Variants in PTK2B observed in about 807,000 individuals in gnomAD.
The protein encoded by PTK2B is protein-tyrosine kinase 2-beta.
A neutral mutation model predicts 142.9 loss-of-function variants in PTK2B; 71 were observed. The observed-to-expected ratio is 0.50, with a 90% CI of 0.41 to 0.61. The LOEUF (loss-of-function observed/expected upper bound fraction) is 0.61. Among genes scored for constraint, PTK2B ranks in the 20% least tolerant of loss-of-function variants. The pLI is 0.00. For missense variants in PTK2B, 1,105 were observed against 1,320.4 expected (o/e 0.84, Z 2.53); for synonymous variants, 519 against 503.4 (o/e 1.03, Z -0.42).
intron 1 of PTK2B, among the ~76,000 whole-genome samples, chr8:27,357,264 A>G (rs932469485): frequency 6.6e-6 from 1 of 152,174 alleles, no homozygotes; most frequent in East Asian, 1.9e-4. Flanking sequence ...AATAAAAAGT[A>G]CAAAAAATAC....
intron 1 of PTK2B, among the ~76,000 whole-genome samples, chr8:27,357,314 A>G (rs1352003880): frequency 6.6e-6 from 1 of 152,370 alleles, no homozygotes; most frequent in Non-Finnish European, 1.5e-5. Context: ...TCTGTCTCCA[A>G]GAATTTTCTC....
intron 1 of PTK2B, among the ~76,000 whole-genome samples, chr8:27,344,492 A>G (rs1263168454): frequency 6.6e-6 from 1 of 152,240 alleles, no homozygotes; most frequent in Non-Finnish European, 1.5e-5. Flanking sequence ...GAGATCATAC[A>G]CATACGTATA....
chr8:27,332,493 C>T (rs1051457488), intron 1 of PTK2B, among the ~76,000 whole-genome samples: 2 of 152,198 alleles, frequency 1.3e-5, no homozygotes, highest in African/African-American at 4.8e-5. Context: ...CCTTACTTTG[C>T]TAATTTGTAA....
chr8:27,419,586 T>C (rs1249423913), intron 2 of PTK2B, among the ~76,000 whole-genome samples: 1 of 152,226 alleles, frequency 6.6e-6, no homozygotes, highest in Non-Finnish European at 1.5e-5. Context: ...GGATGTTCCG[T>C]AATTATTAAT....
At chr8:27,383,786 A>G (rs1386288756) in intron 1 of PTK2B, among the ~76,000 whole-genome samples, 3 of 151,654 alleles carry the variant, frequency 2.0e-5, no homozygotes, top group African/African-American at 7.3e-5. Context: ...CCTGGGCTCA[A>G]CTGATCCTCC....
chr8:27,377,504 C>T (rs1419722498), intron 1 of PTK2B, among the ~76,000 whole-genome samples: 2 of 152,168 alleles, frequency 1.3e-5, no homozygotes, highest in African/African-American at 4.8e-5. Context: ...AAGAACTTTG[C>T]ACACCTGGCA....
chr8:27,369,250 A>C (rs536953135), intron 1 of PTK2B, among the ~76,000 whole-genome samples: 1 of 152,114 alleles, frequency 6.6e-6, no homozygotes, highest in East Asian at 1.9e-4. Flanking sequence ...ACCCTCTTAT[A>C]ATCACAGGAT....
At chr8:27,375,099 G>T (rs1361052012) in intron 1 of PTK2B, among the ~76,000 whole-genome samples, 2 of 152,242 alleles carry the variant, frequency 1.3e-5, no homozygotes, top group Admixed American at 1.3e-4. Flanking sequence ...TGTGAGGCTG[G>T]AAGGGGCTGA....
chr8:27,401,955 T>C (rs1174026108), intron 2 of PTK2B, among the ~76,000 whole-genome samples: 1 of 152,142 alleles, frequency 6.6e-6, no homozygotes, highest in Non-Finnish European at 1.5e-5. Flanking sequence ...GTAGTGGTGA[T>C]TGCAGCTAGC....
rs1230730302 is a variant in PTK2B, at chr8:27,453,165, G to A, written c.2595+5G>A. 1 of 1,614,090 alleles carries A rather than the reference G, an allele frequency of 6.2e-7. No individual in the cohort carries two copies. The highest frequency in any genetic ancestry group is 1.3e-5 in the African/African-American group (1 of 74,934). ...CCCCCGAGGCTGGGCGCACAGGTAT[G>A]TGTTGGCTCTGCTGAAACTGATAAA... On this transcript the variant is annotated splice_donor_5th_base_variant and intron_variant, in intron 28 of 30. Coordinates refer to ENST00000346049, the MANE Select transcript of PTK2B (RefSeq NM_173176.3).
At chr8:27,338,552 G>GAA (rs759402804) in intron 1 of PTK2B, among the ~76,000 whole-genome samples, 28 of 152,098 alleles carry the variant, frequency 1.8e-4, no homozygotes, top group Middle Eastern at 3.4e-3. Context: ...AAGAAAGAAA[G>GAA]AAAAAATTTT....
At chr8:27,311,468 T>A, upstream of PTK2B, 1 of 586,486 alleles carries the variant, frequency 1.7e-6, no homozygotes, top group South Asian at 2.4e-5. Context: ...GAGAGCGGGG[T>A]GGGCCTTCTG....
At chr8:27,451,590 A>T in intron 27 of PTK2B, 81 bp downstream of exon 27, 1 of 1,608,220 alleles carries the variant, frequency 6.2e-7, no homozygotes, top group East Asian at 2.2e-5. Flanking sequence ...CGCCCAGGGC[A>T]GGGAGCAGCG....
At chr8:27,435,942 G>A in intron 14 of PTK2B, 149 bp downstream of exon 14, 1 of 1,059,882 alleles carries the variant, frequency 9.4e-7, no homozygotes, top group East Asian at 2.5e-5. Context: ...GAGATGCCTT[G>A]GATTTGAAAG....
intron 1 of PTK2B, among the ~76,000 whole-genome samples, chr8:27,360,927 T>C (rs1352019736): frequency 6.6e-6 from 1 of 152,146 alleles, no homozygotes; most frequent in Admixed American, 6.5e-5. Flanking sequence ...AGTGGGGTGA[T>C]GTCTGGGTCC....
At chr8:27,349,498 G>T (rs760237735) in intron 1 of PTK2B, among the ~76,000 whole-genome samples, 20 of 152,156 alleles carry the variant, frequency 1.3e-4, no homozygotes, top group Middle Eastern at 6.3e-3. Flanking sequence ...TTTGGAGTTG[G>T]ATTCTCAGAA....
At chr8:27,373,261 G>A (rs1426563159) in intron 1 of PTK2B, among the ~76,000 whole-genome samples, 1 of 152,224 alleles carries the variant, frequency 6.6e-6, no homozygotes, top group Non-Finnish European at 1.5e-5. Context: ...GCATGAGTCT[G>A]TGTTCAAAGC....
chr8:27,410,033 T>C (rs1300576401), intron 2 of PTK2B, among the ~76,000 whole-genome samples: 1 of 152,224 alleles, frequency 6.6e-6, no homozygotes, highest in Non-Finnish European at 1.5e-5. Context: ...AAGACTTTTT[T>C]TCAACAAAAG....
At chr8:27,391,740 T>C (rs1365211949) in intron 1 of PTK2B, among the ~76,000 whole-genome samples, 1 of 152,226 alleles carries the variant, frequency 6.6e-6, no homozygotes, top group Non-Finnish European at 1.5e-5. Flanking sequence ...TCTTAAGAAC[T>C]CAGAGATTGT....
Sources: gnomAD v4.1 joint callset for allele counts (sites outside exome capture counted in the v4.1 genomes callset) on GRCh38, gnomAD v4.1.1 for gene constraint, MANE v1.5 for transcripts, NCBI Gene and HGNC (gene_info 2026-07-23, HGNC 2026-07-21) for gene names.